TTC21A: variants seen among roughly 807,000 people sequenced by gnomAD.
TTC21A encodes the protein tetratricopeptide repeat domain 21A, also known as tetratricopeptide repeat protein 21A.
Under a neutral mutation model 156.4 loss-of-function variants are expected in TTC21A, and 128 were observed. The observed-to-expected ratio is 0.82, with a 90% CI of 0.71 to 0.95. The LOEUF is 0.95. TTC21A is among the 40% of genes least tolerant of loss of function. The pLI is 0.00. For synonymous variants in TTC21A, 587 were observed against 617.1 expected, an observed-to-expected ratio of 0.95 and a Z score of 0.72; for missense variants, 1,435 against 1,602.3, an observed-to-expected ratio of 0.90 and a Z score of 1.78.
intron 2 of TTC21A, 60 bp downstream of exon 2, chr3:39,109,274 G>A: frequency 1.3e-6 from 2 of 1,564,094 alleles, no homozygotes; most frequent in Admixed American, 3.5e-5. Flanking sequence ...CTAACACTCT[G>A]GCTCCACCTG....
intron 9 of TTC21A, among the ~76,000 whole-genome samples, chr3:39,124,286 A>G (rs2038024153): frequency 6.6e-6 from 1 of 152,220 alleles, no homozygotes; most frequent in African/African-American, 2.4e-5. Context: ...CCACAGTAAA[A>G]CATTGTGTTG....
intron 5 of TTC21A, 29 bp downstream of exon 5, chr3:39,112,609 G>A: frequency 1.9e-6 from 3 of 1,611,694 alleles, no homozygotes; most frequent in Non-Finnish European, 2.5e-6. Flanking sequence ...AGAGGTGGAA[G>A]TATTCCTGGC....
chr3:39,130,914 C>A lies in TTC21A; in HGVS notation c.2458+75C>A. ...TCCCCCATTCCCCATTAGCTGAAGTCCTGATCCCAGCGCTCCCCACCAACA... is the reference window on the plus strand; with the variant it reads ...TCCCCCATTCCCCATTAGCTGAAGTACTGATCCCAGCGCTCCCCACCAACA... On this transcript the variant is annotated intron_variant, in intron 18 of 28. Coordinates refer to ENST00000683103, the MANE Select transcript of TTC21A (RefSeq NM_001366900.1). This position sits in a 1 kb window ranked among gnomAD's most constrained non-coding sequence, Gnocchi z 4.5. The A allele has an allele frequency of 6.2e-7, 1 of 1,608,752 alleles. No individual in the cohort carries two copies.
At chr3:39,135,944 A>G (rs573843126) in intron 22 of TTC21A, among the ~76,000 whole-genome samples, 2 of 151,610 alleles carry the variant, frequency 1.3e-5, no homozygotes, top group East Asian at 3.9e-4. Context: ...AGTCCCAGCT[A>G]CTCGGGGGTG....
At position 39,137,074 on chromosome 3, in the gene TTC21A, G is replaced by A. The variant is rs769402079; in HGVS notation, c.3257+14G>A. ...AGCTGAGAGCAAGTAAGGGCCCATGGAGGCAGGGGCGGAACCCTGGGGAAG... is the reference window on the plus strand; with the variant it reads ...AGCTGAGAGCAAGTAAGGGCCCATGAAGGCAGGGGCGGAACCCTGGGGAAG... On this transcript the variant is annotated intron_variant, in intron 24 of 28. Transcript: ENST00000683103. 6.2e-7 allele frequency: 1 copy of A among 1,612,910 alleles called. No homozygotes were observed. The highest frequency in any genetic ancestry group is 8.5e-7 in the Non-Finnish European group (1 of 1,179,350).
chr3:39,138,377 C>T lies in TTC21A; in HGVS notation c.3786C>T (p.Asn1262=), dbSNP rs766234195. 1.2e-6 allele frequency: 2 copies of T among 1,613,988 alleles called. No individual in the cohort carries two copies. The highest frequency in any genetic ancestry group is 1.3e-5 in the African/African-American group (1 of 74,930). ...CCTGGAAGTACAGTCATCACGCCAA[C>T]CCTGCCATTGGTAAGGCAACCAGCC... is the stretch of plus-strand genomic sequence containing the variant. ...KLAWKYSHHA[N]PAIGFKLAFN... is the part of the protein sequence containing the mutation. Residue 1262 remains asparagine (N), a synonymous_variant, in exon 27 of 29, where the codon AAC becomes AAT. Coordinates refer to ENST00000683103, the MANE Select transcript of TTC21A (RefSeq NM_001366900.1).
In TTC21A at chr3:39,118,134, GAGA is replaced by G; in HGVS notation, c.785_787del (p.Glu262del). On this transcript the variant is annotated inframe_deletion, in exon 7 of 29. Transcript: ENST00000683103. The stretch of plus-strand genomic sequence containing the variant: ...ATTCTAACCGTGCATGAGCTTGCAA[GAGA>G]AGGAAACATGACCACAGTAAGTTCT... 1 of 1,614,212 alleles carries G rather than the reference GAGA, an allele frequency of 6.2e-7. No homozygotes were observed. Among genetic ancestry groups the G allele is most frequent in the Non-Finnish European group, 8.5e-7 (1 of 1,180,026 alleles).
At chr3:39,124,981 T>C in intron 9 of TTC21A, 82 bp from the exon 10 acceptor site, 1 of 892,010 alleles carries the variant, frequency 1.1e-6, no homozygotes, top group Non-Finnish European at 1.9e-6. Flanking sequence ...CCTTCCACTG[T>C]CTTATCCATG....
chr3:39,112,548 G>A lies in TTC21A; in HGVS notation c.526G>A (p.Asp176Asn). 1.2e-6 allele frequency: 2 copies of A among 1,614,192 alleles called. No homozygotes were observed. Among genetic ancestry groups the A allele is most frequent in the Non-Finnish European group, 1.7e-6 (2 of 1,180,034 alleles). ...TGAGTACCTGGAACAAGGAATTCAGGACACCAAAGATGTGCTGGGGCTGAT... is the reference window on the plus strand; with the variant it reads ...TGAGTACCTGGAACAAGGAATTCAGAACACCAAAGATGTGCTGGGGCTGAT... The part of the protein sequence containing the change: ...AIEYLEQGIQ[D>N]TKDVLGLMGK... The change falls in exon 5 of 29, where the codon GAC becomes AAC. Residue 176 changes from aspartate to asparagine, a missense_variant. Physicochemically the swap from Asp to Asn is conservative, Grantham distance 23. Coordinates refer to ENST00000683103, the MANE Select transcript of TTC21A (RefSeq NM_001366900.1).
chr3:39,128,502 C>T lies in TTC21A; in HGVS notation c.1680+14C>T, dbSNP rs777882003. 3.1e-5 allele frequency: 50 copies of T among 1,613,944 alleles called. No homozygotes were observed. Among genetic ancestry groups the T allele is most frequent in the Non-Finnish European group, 4.1e-5 (48 of 1,179,920 alleles). ...CACAACTTCCAGGTGGGTGCCCTCT[C>T]ATCCTCTCAGCATCCCAAAGCCCAG... On this transcript the variant is annotated intron_variant, in intron 13 of 28. Transcript: ENST00000683103.
At chr3:39,114,466 G>T (rs1045947096) in intron 5 of TTC21A, 119 bp from the exon 6 acceptor site, 3 of 957,828 alleles carry the variant, frequency 3.1e-6, no homozygotes, top group Non-Finnish European at 4.9e-6. Context: ...GAGGACCCAC[G>T]GTGCCCATGT....
At chr3:39,118,000 T>C in intron 6 of TTC21A, 69 bp from the exon 7 acceptor site, 1 of 1,091,926 alleles carries the variant, frequency 9.2e-7, no homozygotes, top group South Asian at 1.2e-5. Context: ...CAATCAGAAG[T>C]CGCCAACACA....
At chr3:39,114,354 C>G (rs2037094348) in intron 5 of TTC21A, among the ~76,000 whole-genome samples, 1 of 152,178 alleles carries the variant, frequency 6.6e-6, no homozygotes, top group South Asian at 2.1e-4. Flanking sequence ...TAGCTATCTC[C>G]CCAAAGCCCC....
rs367726023 is a variant in TTC21A, at chr3:39,118,169, A to G, written c.801+16A>G. On this transcript the variant is annotated intron_variant, in intron 7 of 28. Transcript: ENST00000683103. ...CATGACCACAGTAAGTTCTTTGAAG[A>G]CTCAGAAGGTGATCCTTGAAACAGA... 1 of 1,613,120 alleles carries G rather than the reference A, an allele frequency of 6.2e-7. No homozygotes were observed. Among genetic ancestry groups the G allele is most frequent in the African/African-American group, 1.3e-5 (1 of 75,026 alleles).
chr3:39,128,397 C>T lies in TTC21A; in HGVS notation c.1589C>T (p.Ala530Val). Residue 530 changes from alanine to valine, a missense_variant, in exon 13 of 29, where the codon GCC becomes GTC. Transcript: ENST00000683103. ...GAGCTGGACCCCGCCTCCGTGGATGCCCATCTCCTCATGTGTCAGATCTAC... is the reference window on the plus strand; with the variant it reads ...GAGCTGGACCCCGCCTCCGTGGATGTCCATCTCCTCATGTGTCAGATCTAC... ...CLELDPASVDAHLLMCQIYLA... is the reference protein window; with the variant it reads ...CLELDPASVDVHLLMCQIYLA... 6.2e-7 allele frequency: 1 copy of T among 1,614,166 alleles called. No homozygotes were observed. Among genetic ancestry groups the T allele is most frequent in the Non-Finnish European group, 8.5e-7 (1 of 1,180,034 alleles).
chr3:39,127,566 C>G (rs995963924), intron 12 of TTC21A, among the ~76,000 whole-genome samples: 1 of 152,202 alleles, frequency 6.6e-6, no homozygotes, highest in African/African-American at 2.4e-5. Context: ...GCTTGGGACC[C>G]AGAAACAGGT....
chr3:39,134,306 A>G lies in TTC21A; in HGVS notation c.2840A>G (p.Gln947Arg). The change falls in exon 21 of 29, where the codon CAG becomes CGG. Residue 947 changes from glutamine (Q) to arginine (R), a missense_variant. Coordinates refer to ENST00000683103, the MANE Select transcript of TTC21A (RefSeq NM_001366900.1). This position sits in a 1 kb window ranked among gnomAD's most constrained non-coding sequence, Gnocchi z 4.6. ...TGTGCCATCCTCCTGCAGACTGAGC[A>G]GAACCATGAGACCGCTTCTGTGGTA... Reference protein sequence around the residue: ...QHCAILLQTEQNHETASVLMA... With the variant: ...QHCAILLQTERNHETASVLMA... The G allele has an allele frequency of 2.5e-6, 4 of 1,613,786 alleles. No individual in the cohort carries two copies. Among genetic ancestry groups the G allele is most frequent in the Non-Finnish European group, 3.4e-6 (4 of 1,179,684 alleles).
chr3:39,136,502 C>T lies in TTC21A; in HGVS notation c.3090C>T (p.Tyr1030=). ...GGTTCAATTACTGCAGAGGTATCTA[C>T]TGCTGGTGAGTTGGGTGTGGTGTGT... ...EPGFNYCRGI[Y]CWHIGQPNEA... The change falls in exon 23 of 29, where the codon TAC becomes TAT. Residue 1030 remains tyrosine (Y), a synonymous_variant. Transcript: ENST00000683103. 1 of 1,614,016 alleles carries T rather than the reference C, an allele frequency of 6.2e-7. No homozygotes were observed. The highest frequency in any genetic ancestry group is 1.1e-5 in the South Asian group (1 of 91,050).
At chr3:39,132,796 A>AG (rs2038830544) in intron 19 of TTC21A, 1 of 537,950 alleles carries the variant, frequency 1.9e-6, no homozygotes, top group African/African-American at 1.9e-5. Context: ...GTGTGATGGA[A>AG]GCAGGTAAAC....
Sources: allele counts gnomAD v4.1 joint callset (sites outside exome capture counted in the v4.1 genomes callset), GRCh38; gene constraint gnomAD v4.1.1; non-coding constraint Gnocchi (gnomAD v3.1); transcripts MANE v1.5; gene names NCBI Gene and HGNC (gene_info 2026-07-23, HGNC 2026-07-21).